MROH7: variants seen among roughly 807,000 people sequenced by gnomAD.
MROH7 encodes the protein maestro heat like repeat family member 7, also known as maestro heat-like repeat-containing protein family member 7.
A neutral mutation model predicts 129.2 loss-of-function variants in MROH7; 113 were observed. That is an observed-to-expected ratio of 0.87 (90% CI 0.75 to 1.02). The LOEUF (loss-of-function observed/expected upper bound fraction) is 1.02, where lower values mean the gene tolerates loss of function less well. MROH7 is among the 50% of genes least tolerant of loss of function. MROH7 has a pLI of 0.00. For missense variants in MROH7, 1,601 were observed against 1,671.3 expected, an observed-to-expected ratio of 0.96 and a Z score of 0.73; for synonymous variants, 655 against 667.9, an observed-to-expected ratio of 0.98 and a Z score of 0.30.
chr1:54,664,431 G>A (rs1644780475), intron 3 of MROH7, among the ~76,000 whole-genome samples: 1 of 152,224 alleles, frequency 6.6e-6, no homozygotes, highest in Non-Finnish European at 1.5e-5. Context: ...AGGCCTGAAG[G>A]AGAGCCTTAG....
At chr1:54,666,083 C>A (rs373792194) in intron 4 of MROH7, among the ~76,000 whole-genome samples, 10 of 152,346 alleles carry the variant, frequency 6.6e-5, no homozygotes, top group African/African-American at 2.4e-4. Context: ...CAGGAAAGTT[C>A]TATAAAATGG....
intron 10 of MROH7, among the ~76,000 whole-genome samples, chr1:54,675,569 C>A (rs1644967262): frequency 6.6e-6 from 1 of 150,614 alleles, no homozygotes; most frequent in Admixed American, 6.6e-5. Flanking sequence ...GAGTAGGAGC[C>A]TCTGTGAGCC....
At chr1:54,663,627 G>A in intron 3 of MROH7, 1 of 351,556 alleles carries the variant, frequency 2.8e-6, no homozygotes. Context: ...ACCCTCTTTG[G>A]CCTCCCAAAG....
rs757002867 is a variant in MROH7, at chr1:54,695,411, G to A, written c.2885G>A (p.Arg962His). Reference protein sequence around the residue: ...MVQYSCQELCRILYLLIPLLE... With the variant: ...MVQYSCQELCHILYLLIPLLE... Reference sequence around the variant, plus strand: ...CAGTACTCCTGCCAGGAGCTGTGCCGCATCCTCTACCTGCTCATCCCGCTC... The same window carrying A: ...CAGTACTCCTGCCAGGAGCTGTGCCACATCCTCTACCTGCTCATCCCGCTC... Residue 962 changes from arginine to histidine, a missense_variant, in exon 17 of 24, where the codon CGC becomes CAC. Arg to His is a conservative substitution (Grantham distance 29, BLOSUM62 0). Coordinates refer to ENST00000421030, the MANE Select transcript of MROH7 (RefSeq NM_001039464.4). 4.9e-5 allele frequency: 79 copies of A among 1,612,936 alleles called. No individual in the cohort carries two copies. Among genetic ancestry groups the A allele is most frequent in the Non-Finnish European group, 6.3e-5 (74 of 1,179,470 alleles).
intron 15 of MROH7, among the ~76,000 whole-genome samples, chr1:54,689,401 A>G (rs1356543848): frequency 1.3e-5 from 2 of 152,186 alleles, no homozygotes; most frequent in African/African-American, 4.8e-5. Flanking sequence ...CTGCGAAAAA[A>G]TATATTTCTG....
chr1:54,670,249 G>C (rs1391567432), intron 5 of MROH7, among the ~76,000 whole-genome samples: 4 of 152,134 alleles, frequency 2.6e-5, no homozygotes, highest in Admixed American at 2.0e-4. Flanking sequence ...CAGGAGGATG[G>C]CTTGAGCTCA....
intron 1 of MROH7, among the ~76,000 whole-genome samples, chr1:54,645,891 G>A (rs749398929): frequency 1.3e-5 from 2 of 152,040 alleles, no homozygotes; most frequent in Non-Finnish European, 2.9e-5. Flanking sequence ...GAGCTCAAAT[G>A]ATCCACCCAC....
At position 54,692,480 on chromosome 1, in the gene MROH7, C is replaced by T. The variant is rs766638802; in HGVS notation, c.2768C>T (p.Thr923Ile). 1.2e-5 allele frequency: 19 copies of T among 1,613,978 alleles called. No homozygotes were observed. The highest frequency in any genetic ancestry group is 1.6e-5 in the Non-Finnish European group (19 of 1,180,040). The change falls in exon 16 of 24, where the codon ACC becomes ATC. Residue 923 changes from threonine to isoleucine, a missense_variant. Thr to Ile is a moderately conservative substitution (Grantham distance 89, BLOSUM62 -1). Transcript: ENST00000421030. ...CTGAGGATGGGCTGCTCTTATGAGA[C>T]CACGTTTCTGGAGGACCAGGGTGGC... ...LLLRMGCSYE[T>I]TFLEDQGGWE... is the part of the protein sequence containing the mutation.
At chr1:54,665,906 G>A (rs959839756) in intron 4 of MROH7, 6 of 152,546 alleles carry the variant, frequency 3.9e-5, no homozygotes, top group African/African-American at 1.4e-4. Context: ...CGGAGATGGG[G>A]AGAAGTGACT....
At chr1:54,685,476 TGGTA>T (rs1645133335) in intron 14 of MROH7, among the ~76,000 whole-genome samples, 1 of 151,768 alleles carries the variant, frequency 6.6e-6, no homozygotes, top group African/African-American at 2.4e-5. Flanking sequence ...CGCCAGGGAG[TGGTA>T]GAGCCAGAAT....
rs536337227 is a variant in MROH7, at chr1:54,652,875, T to C, written c.-52T>C. Reference sequence around the variant, plus strand: ...AAGACTGCTGCTGGGAATGTGACAGTTGGCTGTTGGAGAGAAGCGGGCACT... The same window carrying C: ...AAGACTGCTGCTGGGAATGTGACAGCTGGCTGTTGGAGAGAAGCGGGCACT... On this transcript the variant is annotated 5_prime_UTR_variant, in exon 3 of 24. Transcript: ENST00000421030. The C allele has an allele frequency of 2.0e-6, 3 of 1,522,332 alleles. No homozygotes were observed. The highest frequency in any genetic ancestry group is 2.3e-5 in the East Asian group (1 of 44,058). 94.3% of individuals were successfully genotyped at this position (1,522,332 alleles called of 1,614,324 possible). A position where few individuals can be genotyped will look rare whatever the true frequency, so the allele number is the denominator to read the frequency against.
In MROH7 at chr1:54,653,995, CAGGATGAT is replaced by C; in HGVS notation, c.1070_1077del (p.Gln357ArgfsTer20). 1 of 1,614,216 alleles carries C rather than the reference CAGGATGAT, an allele frequency of 6.2e-7. No individual in the cohort carries two copies. The highest frequency in any genetic ancestry group is 8.5e-7 in the Non-Finnish European group (1 of 1,180,032). On this transcript the variant is annotated frameshift_variant, in exon 3 of 24. Transcript: ENST00000421030. LOFTEE classifies it high-confidence loss of function. ...CTCCACCTTGACGCTGAGCAGTCAG[CAGGATGAT>C]GCCAAGGACAACAGCATCCACACTG...
rs12038361 is a variant in MROH7, at chr1:54,686,865, A to G, written c.2711+417A>G. 9.3e-3 allele frequency among the ~76,000 whole-genome samples: 1,413 copies of G among 152,294 alleles called. 127 individuals are homozygous for G. The East Asian group carries it at 0.21, about 22-fold the overall frequency. ...AAGCTTCCTTCCCTGTCCTTACCCC[A>G]GTTATGTTCCCAAAGACAACCAAGT... On this transcript the variant is annotated intron_variant, in intron 15 of 23. Coordinates refer to ENST00000421030, the MANE Select transcript of MROH7 (RefSeq NM_001039464.4).
At chr1:54,665,116 C>G (rs755821221) in intron 3 of MROH7, 51 bp from the exon 4 acceptor site, 3 of 1,432,840 alleles carry the variant, frequency 2.1e-6, no homozygotes, top group Non-Finnish European at 9.8e-7. Flanking sequence ...TGATGGCATC[C>G]TAGGTACATC....
intron 18 of MROH7, 143 bp from the exon 19 acceptor site, chr1:54,701,000 T>C (rs372373665): frequency 1.6e-5 from 14 of 869,764 alleles, no homozygotes; most frequent in East Asian, 1.6e-4. Context: ...GGTGAGGGTA[T>C]TCCAGGCAGG....
At chr1:54,663,637 G>GT in intron 3 of MROH7, 1 of 362,976 alleles carries the variant, frequency 2.8e-6, no homozygotes, top group East Asian at 7.5e-5. Flanking sequence ...GCCTCCCAAA[G>GT]TGCTGGGATT....
At chr1:54,694,752 C>A (rs749939645) in intron 16 of MROH7, among the ~76,000 whole-genome samples, 1 of 152,172 alleles carries the variant, frequency 6.6e-6, no homozygotes, top group Non-Finnish European at 1.5e-5. Context: ...CCTGAGCCAC[C>A]GCGCCTGGCT....
Position 54,673,772 on chromosome 1 carries a change from G to A in MROH7, c.1767G>A (p.Val589=). The A allele has an allele frequency of 6.2e-7, 1 of 1,614,162 alleles. No homozygotes were observed. The highest frequency in any genetic ancestry group is 1.1e-5 in the South Asian group (1 of 91,082). ...GGGCTGTGAACACCAATGTCTCTGT[G>A]TTGAACCACATGCTTCTAACTCTGC... The part of the protein sequence containing the change: ...RARAVNTNVS[V]LNHMLLTLPF... The change falls in exon 9 of 24, where the codon GTG becomes GTA. Residue 589 remains valine, a synonymous_variant. Transcript: ENST00000421030.
At chr1:54,706,254 G>C (rs1013791383) in intron 21 of MROH7, among the ~76,000 whole-genome samples, 181 bp from the exon 22 acceptor site, 2 of 152,044 alleles carry the variant, frequency 1.3e-5, no homozygotes, top group African/African-American at 4.8e-5. Flanking sequence ...GAACATCATC[G>C]AAGTGATTGT....
Sources: allele counts gnomAD v4.1 joint callset (sites outside exome capture counted in the v4.1 genomes callset), GRCh38; gene constraint gnomAD v4.1.1; transcripts MANE v1.5; gene names NCBI Gene and HGNC (gene_info 2026-07-23, HGNC 2026-07-21).